The following YTHDF2 variants were observed in gnomAD, a reference collection of about 807,000 sequenced individuals.
The protein encoded by YTHDF2 is YTH N6-methyladenosine RNA binding protein F2.
In YTHDF2, 2 loss-of-function variants were observed where a neutral mutation model predicts 50.4. The observed-to-expected ratio is 0.04, with a 90% CI of 0.02 to 0.12. The LOEUF is 0.12. Among genes scored for constraint, YTHDF2 ranks in the 10% least tolerant of loss-of-function variants. YTHDF2 has a pLI of 1.00. For missense variants in YTHDF2, 483 were observed against 722.6 expected (o/e 0.67, Z 3.80); for synonymous variants, 217 against 255.6 (o/e 0.85, Z 1.44).
intron 4 of YTHDF2, among the ~76,000 whole-genome samples, chr1:28,756,535 C>T (rs1334891382): frequency 6.6e-6 from 1 of 152,028 alleles, no homozygotes; most frequent in Non-Finnish European, 1.5e-5. Flanking sequence ...TTCCCTTCTC[C>T]CAGAAGATAC....
chr1:28,755,871 A>T (rs1488518188), intron 4 of YTHDF2, among the ~76,000 whole-genome samples: 1 of 152,176 alleles, frequency 6.6e-6, no homozygotes, highest in Non-Finnish European at 1.5e-5. Flanking sequence ...ATATTCAAAA[A>T]ATCTGAAATC....
chr1:28,747,553 C>CT (rs543795451), intron 4 of YTHDF2, among the ~76,000 whole-genome samples: 1,633 of 131,936 alleles, frequency 0.012, 19 homozygotes, highest in African/African-American at 0.032. Flanking sequence ...TCCATAAAGA[C>CT]TTTTTTTTTT....
chr1:28,737,209 C>T, intron 1 of YTHDF2, 62 bp downstream of exon 1: 4 of 1,483,894 alleles, frequency 2.7e-6, no homozygotes, highest in Non-Finnish European at 1.8e-6. Context: ...CGACTAGGCC[C>T]GGGCCCGCCG....
In YTHDF2 at chr1:28,738,229, A is replaced by G. The variant is rs756831037; in HGVS notation, c.53-30A>G. ...TTGAAAGGAAGATTGTAGGATTGGG[A>G]CACTCCTAATTGAATTTTTTTTTCT... On this transcript the variant is annotated intron_variant, in intron 2 of 4. Coordinates refer to ENST00000373812, the MANE Select transcript of YTHDF2 (RefSeq NM_016258.3). 15 of 1,531,700 alleles carry G rather than the reference A, an allele frequency of 9.8e-6. No homozygotes were observed. In the African/African-American group the frequency reaches 1.8e-4, roughly 18 times the overall value. The allele number at this position is 1,531,700 out of a possible 1,614,324, so 94.9% of individuals were successfully genotyped here.
chr1:28,745,717 T>A (rs961572162), intron 4 of YTHDF2, among the ~76,000 whole-genome samples: 4 of 28,520 alleles, frequency 1.4e-4, no homozygotes, highest in Non-Finnish European at 2.0e-4. Flanking sequence ...AACTCCCATC[T>A]CCCCCCGCCC....
At chr1:28,749,252 C>T (rs1177653988) in intron 4 of YTHDF2, among the ~76,000 whole-genome samples, 1 of 140,750 alleles carries the variant, frequency 7.1e-6, no homozygotes, top group Non-Finnish European at 1.5e-5. Flanking sequence ...AGTGCAGTGG[C>T]GCATTCTCGG....
intron 4 of YTHDF2, among the ~76,000 whole-genome samples, chr1:28,765,118 C>T (rs2088197476): frequency 1.3e-5 from 2 of 152,116 alleles, no homozygotes; most frequent in Admixed American, 6.6e-5. Context: ...CTCCTGCCTT[C>T]AGCCTCCCCA....
At chr1:28,746,689 G>A (rs946314825) in intron 4 of YTHDF2, among the ~76,000 whole-genome samples, 2 of 152,094 alleles carry the variant, frequency 1.3e-5, no homozygotes, top group Non-Finnish European at 2.9e-5. Context: ...GGACCCGGGA[G>A]GCAGGGGTTG....
chr1:28,738,391 T>A, intron 3 of YTHDF2, 53 bp downstream of exon 3: 1 of 1,389,886 alleles, frequency 7.2e-7, no homozygotes, highest in South Asian at 1.2e-5. Context: ...ATATTCTTTC[T>A]CCGCCTTCTA....
chr1:28,747,522 C>CT (rs1403837861), intron 4 of YTHDF2, among the ~76,000 whole-genome samples: 3 of 96,216 alleles, frequency 3.1e-5, no homozygotes, highest in African/African-American at 6.7e-5. Context: ...CAAAACTTGT[C>CT]TAAAAAAAAA....
intron 4 of YTHDF2, among the ~76,000 whole-genome samples, chr1:28,762,866 C>T (rs1006038264): frequency 1.3e-5 from 2 of 152,118 alleles, no homozygotes; most frequent in African/African-American, 4.8e-5. Flanking sequence ...GAGACAGAAT[C>T]TAGCTCTGTT....
chr1:28,737,292 C>A, intron 1 of YTHDF2, 145 bp downstream of exon 1: 2 of 1,062,094 alleles, frequency 1.9e-6, no homozygotes, highest in Non-Finnish European at 2.6e-6. Flanking sequence ...AGGCCGGCCG[C>A]GCCCGGCGCC....
chr1:28,745,721 C>A, intron 4 of YTHDF2, among the ~76,000 whole-genome samples: 1 of 77,218 alleles, frequency 1.3e-5, no homozygotes, highest in Non-Finnish European at 2.8e-5. Flanking sequence ...CCCATCTCCC[C>A]CCGCCCCCCC....
chr1:28,758,568 A>T (rs564666997), intron 4 of YTHDF2, among the ~76,000 whole-genome samples: 1 of 152,186 alleles, frequency 6.6e-6, no homozygotes. Flanking sequence ...CATTTGCTGA[A>T]GGTTGTAAAA....
intron 4 of YTHDF2, among the ~76,000 whole-genome samples, chr1:28,764,895 G>A (rs938873138): frequency 4.0e-5 from 6 of 151,578 alleles, no homozygotes; most frequent in East Asian, 3.9e-4. Context: ...ATGAGGTCTC[G>A]CTATGTTCTC....
At chr1:28,745,102 G>A (rs975571577) in intron 4 of YTHDF2, among the ~76,000 whole-genome samples, 3 of 152,136 alleles carry the variant, frequency 2.0e-5, no homozygotes, top group Non-Finnish European at 2.9e-5. Flanking sequence ...AACAAGCAAT[G>A]TTTTCCTTAA....
chr1:28,737,517 C>G (rs370857570), intron 1 of YTHDF2, 141 bp from the exon 2 acceptor site: 2 of 1,161,804 alleles, frequency 1.7e-6, no homozygotes, highest in Non-Finnish European at 2.4e-6. Context: ...CCATTTTCAG[C>G]CTCTTCCTCA....
rs1291935288 is a variant in YTHDF2 at position 28,743,423 on chromosome 1, C to G, written c.1153C>G (p.Pro385Ala). The G allele has an allele frequency of 6.2e-7, 1 of 1,614,156 alleles. No homozygotes were observed. ...QAGSGSTPSE[P>A]HPVLEKLRSI... is the part of the protein sequence containing the mutation. ...TGGTTCTGGATCTACTCCTTCAGAA[C>G]CCCACCCAGTGTTGGAGAAGCTTCG... The change falls in exon 4 of 5, where the codon CCC becomes GCC. Residue 385 changes from proline (P) to alanine (A), a missense_variant. By Grantham distance (27) the Pro-to-Ala change is conservative (BLOSUM62 -1). This residue lies in a region of YTHDF2 where 385 missense variants were observed against 475.8 expected (regional missense o/e 0.81). Coordinates refer to ENST00000373812, the MANE Select transcript of YTHDF2 (RefSeq NM_016258.3). The surrounding 1 kb of genome is among the most constrained non-coding windows in gnomAD (Gnocchi z 6.9).
rs375131221 is a variant in YTHDF2, at chr1:28,768,131, G to A, written c.1717-798G>A. ...CAGAATGGCTTGAACCCGGGAGGCC[G>A]AGGTTGCAGTGAGCGAAGATCGCGC... On this transcript the variant is annotated intron_variant, in intron 4 of 4. Coordinates refer to ENST00000373812, the MANE Select transcript of YTHDF2 (RefSeq NM_016258.3). Among the ~76,000 whole-genome samples, 6 of 152,016 alleles carry A rather than the reference G, an allele frequency of 3.9e-5. 1 individual carries two copies. Among genetic ancestry groups the A allele is most frequent in the South Asian group, 2.1e-4 (1 of 4,822 alleles).
Sources: gnomAD v4.1 joint callset for allele counts (sites outside exome capture counted in the v4.1 genomes callset) on GRCh38, gnomAD v4.1.1 for gene constraint, gnomAD v4.1.1 regional missense constraint, Gnocchi (gnomAD v3.1) non-coding constraint, MANE v1.5 for transcripts, NCBI Gene and HGNC (gene_info 2026-07-23, HGNC 2026-07-21) for gene names.